Variants in RADIL observed in about 807,000 individuals in gnomAD.
RADIL encodes ras-associating and dilute domain-containing protein.
In RADIL, 99 loss-of-function variants were observed where a neutral mutation model predicts 97.6. The observed-to-expected ratio is 1.01, with a 90% CI of 0.86 to 1.20. RADIL has a LOEUF of 1.20. RADIL is among the 50% of genes most tolerant of loss of function. The probability of loss-of-function intolerance (pLI) is 0.00; values close to 1 mark genes in which losing one functional copy is unlikely to be tolerated. For synonymous variants in RADIL, 803 were observed against 691.8 expected (o/e 1.16, Z -2.52); for missense variants, 1,765 against 1,498.9 (o/e 1.18, Z -2.93).
chr7:4,822,247 C>G lies in RADIL; in HGVS notation c.1615+147G>C. On this transcript the variant is annotated intron_variant, in intron 6 of 14. Coordinates refer to ENST00000399583, the MANE Select transcript of RADIL (RefSeq NM_018059.5). This position sits in a 1 kb window ranked among gnomAD's most constrained non-coding sequence, Gnocchi z 5.3. Reference sequence around the variant, plus strand: ...TCACAGGCCGTCCCCGAGCAACTGACACATGGCAGCCTAGGGACTGAGGAA... The same window carrying G: ...TCACAGGCCGTCCCCGAGCAACTGAGACATGGCAGCCTAGGGACTGAGGAA... 1 of 1,075,746 alleles carries G rather than the reference C, an allele frequency of 9.3e-7. No individual in the cohort carries two copies. Among genetic ancestry groups the G allele is most frequent in the South Asian group, 1.7e-5 (1 of 59,654 alleles). 66.6% of individuals were successfully genotyped at this position (1,075,746 alleles called of 1,614,324 possible).
intron 2 of RADIL, among the ~76,000 whole-genome samples, chr7:4,855,568 G>A (rs1057159122): frequency 3.3e-4 from 45 of 137,904 alleles, no homozygotes; most frequent in African/African-American, 1.1e-3. Flanking sequence ...TCGAGTTTCC[G>A]TTGCTCCTCA....
chr7:4,881,555 T>C (rs190328492), intron 1 of RADIL, among the ~76,000 whole-genome samples: 3,445 of 151,514 alleles, frequency 0.023, 137 homozygotes, highest in African/African-American at 0.08. Flanking sequence ...GGTGAAACCC[T>C]GTCTCCACTA....
At chr7:4,865,925 C>A (rs1784121459) in intron 2 of RADIL, 3 of 599,160 alleles carry the variant, frequency 5.0e-6, no homozygotes, top group Non-Finnish European at 5.9e-6. Context: ...CAGAAATATA[C>A]TGTAGAGGTA....
intron 5 of RADIL, among the ~76,000 whole-genome samples, chr7:4,831,887 C>CAA (rs1783152051): frequency 6.6e-6 from 1 of 151,988 alleles, no homozygotes; most frequent in Non-Finnish European, 1.5e-5. Context: ...CAAAACAAAA[C>CAA]AAAACAAAAA....
chr7:4,850,525 T>A (rs1484144617), intron 2 of RADIL, among the ~76,000 whole-genome samples: 1 of 152,218 alleles, frequency 6.6e-6, no homozygotes, highest in Admixed American at 6.5e-5. Flanking sequence ...TCTCTCCAGC[T>A]GGTCACGGAA....
chr7:4,838,510 A>G (rs1783360518), intron 2 of RADIL, among the ~76,000 whole-genome samples: 1 of 152,104 alleles, frequency 6.6e-6, no homozygotes, highest in Non-Finnish European at 1.5e-5. Context: ...CTGGGGCTGC[A>G]GCCCCAGGCA....
At chr7:4,852,315 A>C (rs1783728532) in intron 2 of RADIL, among the ~76,000 whole-genome samples, 2 of 152,218 alleles carry the variant, frequency 1.3e-5, no homozygotes, top group Admixed American at 1.3e-4. Context: ...AAGAGGACAG[A>C]GGGCAGAGCT....
In RADIL at chr7:4,802,506, C is replaced by T. The variant is rs112134659; in HGVS notation, c.2500-511G>A. 1.1e-3 allele frequency among the ~76,000 whole-genome samples: 145 copies of T among 131,074 alleles called. 4 individuals carry two copies. Among genetic ancestry groups the T allele is most frequent in the African/African-American group, 4.3e-3 (134 of 31,444 alleles). 86.0% of individuals were successfully genotyped at this position (131,074 alleles called of 152,430 possible). ...GGCCCCCTCCCCAGGTACCTCGGGG[C>T]ATGCTGGATGGACCCCCTCTCTGGG... On this transcript the variant is annotated intron_variant, in intron 11 of 14. Transcript: ENST00000399583.
At chr7:4,851,558 G>A (rs149879088) in intron 2 of RADIL, among the ~76,000 whole-genome samples, 1 of 152,276 alleles carries the variant, frequency 6.6e-6, no homozygotes, top group East Asian at 1.9e-4. Context: ...GAGGAAGGAG[G>A]GTTCTTGTGA....
At position 4,872,302 on chromosome 7, in the gene RADIL, C is replaced by T. The variant is rs1034872590; in HGVS notation, c.535+5303G>A. Among the ~76,000 whole-genome samples the T allele has an allele frequency of 6.6e-6, 1 of 152,246 alleles. No individual in the cohort carries two copies. The highest frequency in any genetic ancestry group is 2.4e-5 in the African/African-American group (1 of 41,470). The stretch of plus-strand genomic sequence containing the variant: ...CACAGGAGCCAGGGACACTGCTCAT[C>T]GCCCTGCAACCACGGACGCCTCCCT... On this transcript the variant is annotated intron_variant, in intron 2 of 14. Transcript: ENST00000399583. The surrounding 1 kb of genome is among the most constrained non-coding windows in gnomAD (Gnocchi z 5.8).
chr7:4,839,509 G>C (rs1276282638), intron 2 of RADIL, among the ~76,000 whole-genome samples: 2 of 152,034 alleles, frequency 1.3e-5, no homozygotes. Flanking sequence ...GGGAAGCCTA[G>C]GCATGGTGGA....
At chr7:4,812,413 T>C (rs1782572095) in intron 9 of RADIL, among the ~76,000 whole-genome samples, 1 of 151,920 alleles carries the variant, frequency 6.6e-6, no homozygotes, top group African/African-American at 2.4e-5. Context: ...TATTCAACTT[T>C]CTATTTTTAT....
chr7:4,815,490 T>C lies in RADIL; in HGVS notation c.1967-40A>G. The C allele has an allele frequency of 6.9e-7, 1 of 1,455,336 alleles. No homozygotes were observed. Among genetic ancestry groups the C allele is most frequent in the South Asian group, 1.4e-5 (1 of 69,312 alleles). 90.2% of individuals were successfully genotyped at this position (1,455,336 alleles called of 1,614,324 possible). A position where few individuals can be genotyped will look rare whatever the true frequency, so the allele number is the denominator to read the frequency against. Reference sequence around the variant, plus strand: ...AGGGAGGGTGATGCCTGGGCTGCCCTCCTGGGGGGACACAGACATGGGCCT... The same window carrying C: ...AGGGAGGGTGATGCCTGGGCTGCCCCCCTGGGGGGACACAGACATGGGCCT... On this transcript the variant is annotated intron_variant, in intron 8 of 14. Coordinates refer to ENST00000399583, the MANE Select transcript of RADIL (RefSeq NM_018059.5). This position sits in a 1 kb window ranked among gnomAD's most constrained non-coding sequence, Gnocchi z 8.0.
At chr7:4,825,135 G>A (rs577956356) in intron 5 of RADIL, among the ~76,000 whole-genome samples, 2 of 152,172 alleles carry the variant, frequency 1.3e-5, no homozygotes, top group Non-Finnish European at 2.9e-5. Context: ...AGGGCACTCG[G>A]GGGGGGACAG....
chr7:4,856,460 G>A (rs1219710399), intron 2 of RADIL, among the ~76,000 whole-genome samples: 1 of 152,064 alleles, frequency 6.6e-6, no homozygotes, highest in Non-Finnish European at 1.5e-5. Context: ...ATATATTCTG[G>A]ATAGTAATCA....
chr7:4,883,205 C>A lies in RADIL; in HGVS notation c.-65+391G>T, dbSNP rs1470466793. Among the ~76,000 whole-genome samples the A allele has an allele frequency of 3.3e-5, 5 of 152,056 alleles. No homozygotes were observed. Among genetic ancestry groups the A allele is most frequent in the Admixed American group, 1.3e-4 (2 of 15,286 alleles). ...CTGCGCCCCGCTCCCCCGCTGCGCG[C>A]CCCGGACGAAGCTCCCCCTCCAGGG... On this transcript the variant is annotated intron_variant, in intron 1 of 14. Coordinates refer to ENST00000399583, the MANE Select transcript of RADIL (RefSeq NM_018059.5). This position sits in a 1 kb window ranked among gnomAD's most constrained non-coding sequence, Gnocchi z 7.1.
At chr7:4,860,639 C>CA in intron 2 of RADIL, 1 of 1,614,152 alleles carries the variant, frequency 6.2e-7, no homozygotes, top group Non-Finnish European at 8.5e-7. Context: ...CAAGCCCACC[C>CA]ATTCTAAATG....
rs568914106 is a variant in RADIL, at chr7:4,821,460, C to T, written c.1615+934G>A. Among the ~76,000 whole-genome samples, 5 of 152,208 alleles carry T rather than the reference C, an allele frequency of 3.3e-5. No homozygotes were observed. Among genetic ancestry groups the T allele is most frequent in the South Asian group, 4.1e-4 (2 of 4,830 alleles). On this transcript the variant is annotated intron_variant, in intron 6 of 14. Coordinates refer to ENST00000399583, the MANE Select transcript of RADIL (RefSeq NM_018059.5). The surrounding 1 kb of genome is among the most constrained non-coding windows in gnomAD (Gnocchi z 5.2). ...AGACACATGAGCCGAAATCCTACCC[C>T]GGCTTCCGGGCCCGGCCCCATGCCA... is the stretch of plus-strand genomic sequence containing the variant.
At chr7:4,852,148 C>G (rs1783724515) in intron 2 of RADIL, among the ~76,000 whole-genome samples, 1 of 152,128 alleles carries the variant, frequency 6.6e-6, no homozygotes, top group Non-Finnish European at 1.5e-5. Context: ...GAAAATTATA[C>G]CAGCAGAAAC....
Sources: allele counts gnomAD v4.1 joint callset (sites outside exome capture counted in the v4.1 genomes callset), GRCh38; gene constraint gnomAD v4.1.1; non-coding constraint Gnocchi (gnomAD v3.1); transcripts MANE v1.5; gene names NCBI Gene and HGNC (gene_info 2026-07-23, HGNC 2026-07-21).